Variants in ADAMTSL1 observed in about 807,000 individuals in gnomAD.
ADAMTSL1 encodes ADAMTS like 1, also known as ADAMTS-like protein 1.
In ADAMTSL1, 126 loss-of-function variants were observed where a neutral mutation model predicts 201.8. The observed-to-expected ratio is 0.62, with a 90% CI of 0.54 to 0.72. The LOEUF (loss-of-function observed/expected upper bound fraction) is 0.72. ADAMTSL1 is among the 30% of genes least tolerant of loss of function. The pLI, the probability that ADAMTSL1 is intolerant of heterozygous loss-of-function variation, is 0.00. For missense variants in ADAMTSL1, 2,679 were observed against 2,277.8 expected (o/e 1.18, Z -3.59); for synonymous variants, 1,121 against 903.4 (o/e 1.24, Z -4.32).
At chr9:18,153,137 T>C (rs982875516) in intron 1 of ADAMTSL1, among the ~76,000 whole-genome samples, 1 of 152,098 alleles carries the variant, frequency 6.6e-6, no homozygotes, top group African/African-American at 2.4e-5. Flanking sequence ...TGTTGATTCA[T>C]TGAGCTTGCA....
intron 1 of ADAMTSL1, among the ~76,000 whole-genome samples, chr9:18,148,609 A>C (rs1356197712): frequency 6.6e-6 from 1 of 152,002 alleles, no homozygotes; most frequent in Non-Finnish European, 1.5e-5. Flanking sequence ...TTATTTTTCC[A>C]CTTCTCCCAG....
At chr9:18,431,590 G>A (rs943336131) in intron 2 of ADAMTSL1, among the ~76,000 whole-genome samples, 1 of 152,130 alleles carries the variant, frequency 6.6e-6, no homozygotes, top group Non-Finnish European at 1.5e-5. Context: ...CTCAAAGCTG[G>A]AATCCTCTTT....
chr9:18,028,131 CAG>C (rs1219886537), intron 1 of ADAMTSL1, among the ~76,000 whole-genome samples: 3 of 151,986 alleles, frequency 2.0e-5, no homozygotes, highest in African/African-American at 7.2e-5. Context: ...TTGAAGACAG[CAG>C]AGTGTTAGGC....
intron 2 of ADAMTSL1, among the ~76,000 whole-genome samples, chr9:18,294,596 G>A (rs1224559293): frequency 6.6e-6 from 1 of 152,138 alleles, no homozygotes; most frequent in Admixed American, 6.5e-5. Context: ...TGGAAGACTG[G>A]GCCTGTCTTG....
At position 18,777,455 on chromosome 9, in the gene ADAMTSL1, C is replaced by A. The variant is rs370375584; in HGVS notation, c.3226C>A (p.Arg1076=). ...GCCCTTCACCATGGTGACCGAGCAG[C>A]GGCGCCTGGACGACATCCTGGGGAA... The part of the protein sequence containing the change: ...HLPFTMVTEQ[R]RLDDILGNLS... Residue 1076 remains arginine (R), a synonymous_variant, in exon 19 of 29, where the codon CGG becomes AGG. Transcript: ENST00000380548. 4.8e-5 allele frequency: 77 copies of A among 1,594,950 alleles called. No individual in the cohort carries two copies. In the East Asian group the frequency reaches 1.6e-3, roughly 33 times the overall value.
At chr9:18,517,226 A>G (rs1243066884) in intron 2 of ADAMTSL1, among the ~76,000 whole-genome samples, 1 of 152,154 alleles carries the variant, frequency 6.6e-6, no homozygotes, top group Non-Finnish European at 1.5e-5. Flanking sequence ...AGTGGATCTT[A>G]AGCCAAAGGC....
intron 2 of ADAMTSL1, among the ~76,000 whole-genome samples, chr9:18,243,545 C>T (rs1291705987): frequency 6.6e-6 from 1 of 151,976 alleles, no homozygotes; most frequent in Non-Finnish European, 1.5e-5. Context: ...CTCTGGTACT[C>T]TGCTTGCTTT....
chr9:18,783,910 C>A (rs759090307), intron 19 of ADAMTSL1, among the ~76,000 whole-genome samples: 3 of 152,210 alleles, frequency 2.0e-5, no homozygotes, highest in Non-Finnish European at 4.4e-5. Flanking sequence ...ACTGCCAGAG[C>A]ATCTTTCTAG....
chr9:18,241,766 C>G (rs954867396), intron 2 of ADAMTSL1, among the ~76,000 whole-genome samples: 14 of 151,810 alleles, frequency 9.2e-5, no homozygotes, highest in African/African-American at 3.1e-4. Flanking sequence ...AATGGGATAA[C>G]CTAGAAGAAA....
At chr9:18,063,505 T>G (rs1822552099) in intron 1 of ADAMTSL1, among the ~76,000 whole-genome samples, 1 of 152,348 alleles carries the variant, frequency 6.6e-6, no homozygotes, top group Non-Finnish European at 1.5e-5. Context: ...AGCATTCATT[T>G]TCAGTTTTGG....
chr9:17,909,031 T>C (rs1825831607), intron 1 of ADAMTSL1, among the ~76,000 whole-genome samples: 1 of 150,368 alleles, frequency 6.7e-6, no homozygotes, highest in Non-Finnish European at 1.5e-5. Flanking sequence ...TGTGAGATGG[T>C]ATCTCATTGT....
chr9:18,218,300 T>C (rs1018762850), intron 2 of ADAMTSL1, among the ~76,000 whole-genome samples: 7 of 152,288 alleles, frequency 4.6e-5, no homozygotes, highest in African/African-American at 1.7e-4. Flanking sequence ...TGGACATGAT[T>C]TAGCTGGAAT....
chr9:17,987,969 T>G (rs1344404187), intron 1 of ADAMTSL1, among the ~76,000 whole-genome samples: 1 of 152,096 alleles, frequency 6.6e-6, no homozygotes, highest in East Asian at 1.9e-4. Flanking sequence ...TTGAATTACA[T>G]GGGCTATGAC....
At chr9:18,461,756 G>A (rs1820815516) in intron 2 of ADAMTSL1, among the ~76,000 whole-genome samples, 1 of 152,154 alleles carries the variant, frequency 6.6e-6, no homozygotes, top group Non-Finnish European at 1.5e-5. Context: ...GAAGCAGGCA[G>A]GAAAGGAAGT....
At chr9:17,930,607 A>C (rs1301255955) in intron 1 of ADAMTSL1, among the ~76,000 whole-genome samples, 1 of 152,162 alleles carries the variant, frequency 6.6e-6, no homozygotes, top group African/African-American at 2.4e-5. Context: ...ATGTCTGGAT[A>C]CATATGGATT....
intron 2 of ADAMTSL1, among the ~76,000 whole-genome samples, chr9:18,315,474 C>T (rs1167154762): frequency 6.6e-6 from 1 of 152,100 alleles, no homozygotes; most frequent in Non-Finnish European, 1.5e-5. Context: ...GCTGCAGGTC[C>T]TGAGCCCTGT....
rs1823396431 is a variant in ADAMTSL1 at position 18,079,696 on chromosome 9, A to T, written c.88-84166A>T. 2.7e-5 allele frequency among the ~76,000 whole-genome samples: 4 copies of T among 148,588 alleles called. No homozygotes were observed. In the South Asian group the frequency reaches 6.3e-4, roughly 23 times the overall value. The stretch of plus-strand genomic sequence containing the variant: ...GACTCTGTCTCAAAATAAATAAATA[A>T]ATAAATAAATAAATAAATAAATAAA... On this transcript the variant is annotated intron_variant, in intron 1 of 29. Transcript: ENST00000680146.
rs1587866391 is a variant in ADAMTSL1 at position 18,675,912 on chromosome 9, G to A, written c.1136+5G>A. 3.1e-6 allele frequency: 5 copies of A among 1,612,270 alleles called. No individual in the cohort carries two copies. Among genetic ancestry groups the A allele is most frequent in the East Asian group, 2.2e-5 (1 of 44,820 alleles). On this transcript the variant is annotated splice_donor_5th_base_variant and intron_variant, in intron 10 of 28. Coordinates refer to ENST00000380548, the MANE Select transcript of ADAMTSL1 (RefSeq NM_001040272.6). The stretch of plus-strand genomic sequence containing the variant: ...CCTCTACCATCCCCTTCCTCGGTAC[G>A]TAAATCAATCATCCTGATGTTAGAA...
At chr9:18,696,470 T>C (rs1831556162) in intron 13 of ADAMTSL1, among the ~76,000 whole-genome samples, 1 of 152,236 alleles carries the variant, frequency 6.6e-6, no homozygotes, top group Non-Finnish European at 1.5e-5. Context: ...TTGTCTTTTT[T>C]ACCTGGGGAC....
Sources: allele counts gnomAD v4.1 joint callset (sites outside exome capture counted in the v4.1 genomes callset), GRCh38; gene constraint gnomAD v4.1.1; transcripts MANE v1.5; gene names NCBI Gene and HGNC (gene_info 2026-07-23, HGNC 2026-07-21).